Variants in LUZP2 observed in about 807,000 individuals in gnomAD.
LUZP2 encodes leucine zipper protein 2.
Under a neutral mutation model 51.6 loss-of-function variants are expected in LUZP2, and 52 were observed. The ratio of observed to expected loss-of-function variants is 1.01; its 90% CI spans 0.81 to 1.27. The LOEUF is 1.27. LUZP2 is among the 50% of genes most tolerant of loss of function. LUZP2 has a pLI of 0.00. For synonymous variants in LUZP2, 154 were observed against 137.3 expected (o/e 1.12, Z -0.85); for missense variants, 436 against 395.4 (o/e 1.10, Z -0.87).
intron 5 of LUZP2, among the ~76,000 whole-genome samples, chr11:24,777,468 A>T (rs1848969306): frequency 1.3e-5 from 2 of 152,176 alleles, no homozygotes; most frequent in African/African-American, 4.8e-5. Flanking sequence ...CAAATAATAT[A>T]CTTAAGACTT....
intron 4 of LUZP2, among the ~76,000 whole-genome samples, chr11:24,739,294 C>A (rs1376117706): frequency 6.6e-6 from 1 of 152,008 alleles, no homozygotes; most frequent in African/African-American, 2.4e-5. Flanking sequence ...GGCTTTGGGG[C>A]ATAGCAGCTG....
intron 10 of LUZP2, among the ~76,000 whole-genome samples, chr11:25,052,465 C>A (rs985107428): frequency 6.6e-6 from 1 of 152,098 alleles, no homozygotes; most frequent in South Asian, 2.1e-4. Context: ...ATATGTAGGT[C>A]ATTTTTCACT....
chr11:25,035,491 A>G (rs1016767092), intron 9 of LUZP2, among the ~76,000 whole-genome samples: 1 of 152,110 alleles, frequency 6.6e-6, no homozygotes, highest in African/African-American at 2.4e-5. Flanking sequence ...GAGGTGAAGT[A>G]TCTCTACAAG....
chr11:25,074,899 T>C (rs1859256900), intron 10 of LUZP2, among the ~76,000 whole-genome samples: 1 of 152,146 alleles, frequency 6.6e-6, no homozygotes, highest in South Asian at 2.1e-4. Context: ...TAAATACAAC[T>C]GTTTAATGTT....
intron 1 of LUZP2, among the ~76,000 whole-genome samples, chr11:24,550,088 C>T (rs936943962): frequency 7.2e-5 from 11 of 151,888 alleles, no homozygotes; most frequent in Non-Finnish European, 1.3e-4. Context: ...CTTTACATGG[C>T]TTGGGATTTG....
intron 7 of LUZP2, among the ~76,000 whole-genome samples, chr11:24,956,243 A>G (rs1855205475): frequency 6.6e-6 from 1 of 151,888 alleles, no homozygotes; most frequent in African/African-American, 2.4e-5. Flanking sequence ...GAGGTGGGAT[A>G]ATATGGCCAC....
intron 9 of LUZP2, among the ~76,000 whole-genome samples, chr11:25,004,933 TA>T (rs1856792174): frequency 6.6e-6 from 1 of 152,282 alleles, no homozygotes; most frequent in East Asian, 1.9e-4. Flanking sequence ...TTCTTTTCAT[TA>T]AAAGCCGGGG....
intron 1 of LUZP2, among the ~76,000 whole-genome samples, chr11:24,650,634 T>G (rs1241409978): frequency 1.3e-5 from 2 of 152,048 alleles, no homozygotes; most frequent in Non-Finnish European, 2.9e-5. Context: ...GATCTCTTAG[T>G]GGTTTAAGAA....
chr11:24,821,134 A>G (rs1850345241), intron 5 of LUZP2, among the ~76,000 whole-genome samples: 1 of 152,178 alleles, frequency 6.6e-6, no homozygotes, highest in Non-Finnish European at 1.5e-5. Flanking sequence ...TTTAAAAAGC[A>G]AACATAACAC....
intron 4 of LUZP2, among the ~76,000 whole-genome samples, chr11:24,746,534 G>A (rs893081584): frequency 3.9e-5 from 6 of 152,078 alleles, no homozygotes; most frequent in African/African-American, 1.2e-4. Context: ...GTGTGTAGTC[G>A]ATGATCTTTT....
Position 25,067,164 on chromosome 11 carries a change from A to T in LUZP2, c.859-10165A>T, listed in dbSNP as rs192474965. Among the ~76,000 whole-genome samples, 9 of 151,968 alleles carry T rather than the reference A, an allele frequency of 5.9e-5. No homozygotes were observed. In the East Asian group the frequency reaches 1.5e-3, roughly 26 times the overall value. ...GTAGGTTTTAGGCACAGAGAGACTG[A>T]GTCATTTTAAAAAGGAACTTTAGAG... On this transcript the variant is annotated intron_variant, in intron 10 of 11. Coordinates refer to ENST00000336930, the MANE Select transcript of LUZP2 (RefSeq NM_001009909.4).
chr11:24,751,083 A>G (rs550100462), intron 4 of LUZP2, among the ~76,000 whole-genome samples: 13 of 152,264 alleles, frequency 8.5e-5, no homozygotes, highest in Admixed American at 7.9e-4. Flanking sequence ...TTTTTGACTC[A>G]TCATCATCAG....
intron 1 of LUZP2, among the ~76,000 whole-genome samples, chr11:24,678,077 G>C (rs1393720093): frequency 1.7e-5 from 1 of 59,678 alleles, no homozygotes; most frequent in Admixed American, 1.6e-4. Context: ...AAGGAGAAAG[G>C]GGGGGGGGGG....
At chr11:24,649,612 G>A (rs1855563688) in intron 1 of LUZP2, among the ~76,000 whole-genome samples, 1 of 151,856 alleles carries the variant, frequency 6.6e-6, no homozygotes, top group Non-Finnish European at 1.5e-5. Context: ...ATATATTTTT[G>A]CTTTAGGTAA....
chr11:25,008,004 T>C (rs916470688), intron 9 of LUZP2, among the ~76,000 whole-genome samples: 1 of 152,234 alleles, frequency 6.6e-6, no homozygotes, highest in South Asian at 2.1e-4. Context: ...TTCAAATCTA[T>C]AATAATTTAA....
intron 1 of LUZP2, among the ~76,000 whole-genome samples, chr11:24,610,770 A>G (rs1167334843): frequency 6.6e-6 from 1 of 152,084 alleles, no homozygotes; most frequent in East Asian, 1.9e-4. Context: ...ACATGGTGAA[A>G]CCCTGTTTCT....
chr11:24,549,050 TG>T (rs1381613878), intron 1 of LUZP2, among the ~76,000 whole-genome samples: 1 of 152,038 alleles, frequency 6.6e-6, no homozygotes, highest in Admixed American at 6.6e-5. Flanking sequence ...CTTGGCTTAC[TG>T]TAACTTTTTT....
rs141931658 is a variant in LUZP2, at chr11:24,926,207, G to GTATA, written c.522+11680_522+11683dup. On this transcript the variant is annotated intron_variant, in intron 7 of 11. Transcript: ENST00000336930. ...TATATATGTGTATATATATATGTGT[G>GTATA]TATATATATATATACGTGTATATAT... 1.3e-3 allele frequency among the ~76,000 whole-genome samples: 184 copies of GTATA among 144,482 alleles called. 4 individuals are homozygous for GTATA. The highest frequency in any genetic ancestry group is 3.4e-3 in the East Asian group (17 of 4,968). 94.8% of individuals were successfully genotyped at this position (144,482 alleles called of 152,430 possible). A position where few individuals can be genotyped will look rare whatever the true frequency, so the allele number is the denominator to read the frequency against.
intron 7 of LUZP2, among the ~76,000 whole-genome samples, chr11:24,923,186 G>A (rs908313911): frequency 1.3e-5 from 2 of 151,774 alleles, no homozygotes; most frequent in African/African-American, 2.4e-5. Context: ...TTGATTCCAC[G>A]ATATCGTATT....
Sources: gnomAD v4.1 joint callset for allele counts (sites outside exome capture counted in the v4.1 genomes callset) on GRCh38, gnomAD v4.1.1 for gene constraint, MANE v1.5 for transcripts, NCBI Gene and HGNC (gene_info 2026-07-23, HGNC 2026-07-21) for gene names.